Variants in PPFIA2 observed in about 807,000 individuals in gnomAD.
PPFIA2 encodes PPFI scaffold protein A2, also known as liprin-alpha-2.
PPFIA2 carries 46 observed loss-of-function variants against 175.5 expected under a neutral mutation model. The observed-to-expected ratio is 0.26, with a 90% CI of 0.21 to 0.34. The LOEUF is 0.34. Ranked by LOEUF, PPFIA2 falls within the 10% of genes least tolerant of loss-of-function variation. PPFIA2 has a pLI of 1.00. For missense variants in PPFIA2, 1,179 were observed against 1,506.1 expected, an observed-to-expected ratio of 0.78 and a Z score of 3.60; for synonymous variants, 568 against 511.4, an observed-to-expected ratio of 1.11 and a Z score of -1.49.
chr12:81,553,002 C>T, intron 4 of PPFIA2, among the ~76,000 whole-genome samples: 1 of 151,808 alleles, frequency 6.6e-6, no homozygotes, highest in East Asian at 1.9e-4. Flanking sequence ...TCACTGAGGA[C>T]ACAGAAATCA....
intron 4 of PPFIA2, among the ~76,000 whole-genome samples, chr12:81,620,874 A>G (rs895534892): frequency 6.6e-6 from 1 of 152,222 alleles, no homozygotes; most frequent in Admixed American, 6.5e-5. Context: ...AAATCAATAC[A>G]CTGTTTAGAC....
At chr12:81,602,845 G>A (rs1205236321) in intron 4 of PPFIA2, among the ~76,000 whole-genome samples, 1 of 151,768 alleles carries the variant, frequency 6.6e-6, no homozygotes, top group Non-Finnish European at 1.5e-5. Context: ...GGTACATATA[G>A]AAGAAGAAAA....
At chr12:81,499,609 G>C (rs1235676161) in intron 4 of PPFIA2, among the ~76,000 whole-genome samples, 1 of 152,140 alleles carries the variant, frequency 6.6e-6, no homozygotes, top group East Asian at 1.9e-4. Context: ...TTAAATCTGA[G>C]ATGCCTATAA....
At chr12:81,398,751 A>G (rs1205712654) in intron 8 of PPFIA2, among the ~76,000 whole-genome samples, 1 of 152,134 alleles carries the variant, frequency 6.6e-6, no homozygotes, top group East Asian at 1.9e-4. Context: ...ATTCCATATT[A>G]AGGCATGTCC....
At chr12:81,718,362 C>T (rs567307137) in intron 3 of PPFIA2, among the ~76,000 whole-genome samples, 1 of 151,570 alleles carries the variant, frequency 6.6e-6, no homozygotes, top group South Asian at 2.1e-4. Context: ...CAGAACTAGC[C>T]TTAGAATGTT....
chr12:81,311,937 A>C, intron 22 of PPFIA2: 1 of 566,972 alleles, frequency 1.8e-6, no homozygotes, highest in Non-Finnish European at 3.1e-6. Context: ...AAACTGAAGA[A>C]ATACAAGTGC....
chr12:81,758,542 C>A, intron 1 of PPFIA2, 35 bp from the exon 2 acceptor site: 1 of 391,098 alleles, frequency 2.6e-6, no homozygotes. Flanking sequence ...CTCAGACACA[C>A]GCGTGCCCCG....
intron 7 of PPFIA2, among the ~76,000 whole-genome samples, chr12:81,415,948 T>C (rs2045174720): frequency 6.6e-6 from 1 of 151,522 alleles, no homozygotes; most frequent in South Asian, 2.1e-4. Context: ...TAATGCATCA[T>C]TTATTTTAAC....
intron 4 of PPFIA2, among the ~76,000 whole-genome samples, chr12:81,670,653 G>A (rs2071228336): frequency 6.6e-6 from 1 of 151,796 alleles, no homozygotes; most frequent in African/African-American, 2.4e-5. Context: ...ACAGTTGTTA[G>A]TCTTCCATTT....
At chr12:81,597,067 G>T (rs1250716286) in intron 4 of PPFIA2, among the ~76,000 whole-genome samples, 3 of 151,880 alleles carry the variant, frequency 2.0e-5, no homozygotes, top group Non-Finnish European at 4.4e-5. Flanking sequence ...TTCCAAGTAT[G>T]GTATAATTAT....
rs745870077 is a variant in PPFIA2 at position 81,358,234 on chromosome 12, A to T, written c.1638-17T>A. The T allele has an allele frequency of 1.1e-5, 17 of 1,552,674 alleles. No individual in the cohort carries two copies. In the South Asian group the frequency reaches 1.9e-4, roughly 18 times the overall value. On this transcript the variant is annotated splice_polypyrimidine_tract_variant and intron_variant, in intron 15 of 32. Transcript: ENST00000549396. ...AGATGAGTTCTGGAAAAAAGGAAAA[A>T]TATAAAATAATCCAATCTCAAAAAT...
intron 4 of PPFIA2, among the ~76,000 whole-genome samples, chr12:81,566,416 C>T (rs931658996): frequency 2.0e-5 from 3 of 149,414 alleles, no homozygotes; most frequent in Non-Finnish European, 3.0e-5. Context: ...CCCAGATACT[C>T]GGGAGGTTGA....
intron 9 of PPFIA2, 88 bp downstream of exon 9, chr12:81,383,935 G>C (rs946060189): frequency 1.9e-5 from 20 of 1,075,548 alleles, no homozygotes; most frequent in Non-Finnish European, 2.6e-5. Flanking sequence ...GAAGTAAAAA[G>C]TGTATGGTCA....
chr12:81,381,545 T>C (rs2037705422), intron 9 of PPFIA2, among the ~76,000 whole-genome samples: 1 of 152,086 alleles, frequency 6.6e-6, no homozygotes, highest in South Asian at 2.1e-4. Context: ...AGAATGAAGA[T>C]GGAGAGAATG....
chr12:81,619,895 C>T (rs554408079), intron 4 of PPFIA2, among the ~76,000 whole-genome samples: 14 of 152,160 alleles, frequency 9.2e-5, no homozygotes, highest in African/African-American at 2.9e-4. Flanking sequence ...CGCGGTGGCT[C>T]ACGCCTGTAA....
intron 15 of PPFIA2, among the ~76,000 whole-genome samples, chr12:81,359,078 A>G (rs1293029173): frequency 6.6e-6 from 1 of 152,090 alleles, no homozygotes; most frequent in Non-Finnish European, 1.5e-5. Context: ...AATGATGATA[A>G]TAACAGTGAC....
intron 4 of PPFIA2, among the ~76,000 whole-genome samples, chr12:81,597,475 T>C (rs970251158): frequency 2.6e-5 from 4 of 152,092 alleles, no homozygotes; most frequent in Non-Finnish European, 5.9e-5. Context: ...CTTTATGTTA[T>C]ACACATAAGA....
intron 28 of PPFIA2, among the ~76,000 whole-genome samples, chr12:81,276,675 A>G (rs1205480526): frequency 6.6e-6 from 1 of 152,152 alleles, no homozygotes. Flanking sequence ...TTATTTTTAA[A>G]TATAGTATTT....
chr12:81,297,965 G>A (rs976246998), intron 23 of PPFIA2: 9 of 152,130 alleles, frequency 5.9e-5, no homozygotes, highest in African/African-American at 1.9e-4. Context: ...CAATTTCTGT[G>A]TACTCAGAAT....
Sources: allele counts gnomAD v4.1 joint callset (sites outside exome capture counted in the v4.1 genomes callset), GRCh38; gene constraint gnomAD v4.1.1; transcripts MANE v1.5; gene names NCBI Gene and HGNC (gene_info 2026-07-23, HGNC 2026-07-21).